DCUN1D4: variants seen among roughly 807,000 people sequenced by gnomAD.
DCUN1D4 encodes the protein defective in cullin neddylation 1 domain containing 4, also known as DCN1-like protein 4.
In DCUN1D4, 22 loss-of-function variants were observed where a neutral mutation model predicts 47.9. The ratio of observed to expected loss-of-function variants is 0.46; its 90% CI spans 0.33 to 0.66. DCUN1D4 has a LOEUF of 0.66. Ranked by LOEUF, DCUN1D4 falls within the 30% of genes least tolerant of loss-of-function variation. DCUN1D4 has a pLI of 0.02. For missense variants in DCUN1D4, 301 were observed against 340.8 expected (o/e 0.88, Z 0.92); for synonymous variants, 121 against 112.2 (o/e 1.08, Z -0.50).
chr4:51,870,709 A>AAATCCTAGT (rs1442369837), intron 3 of DCUN1D4, among the ~76,000 whole-genome samples: 1 of 152,224 alleles, frequency 6.6e-6, no homozygotes, highest in Non-Finnish European at 1.5e-5. Context: ...TGCACTTGAG[A>AAATCCTAGT]AATCCTAGTT....
chr4:51,891,700 GTTTTTTC>G (rs1268579169), intron 6 of DCUN1D4, 53 bp from the exon 7 acceptor site: 1 of 1,339,208 alleles, frequency 7.5e-7, no homozygotes, highest in Non-Finnish European at 1.0e-6. Context: ...AGATCTATTT[GTTTTTTC>G]TTTTTAATTT....
intron 7 of DCUN1D4, among the ~76,000 whole-genome samples, chr4:51,895,943 C>G (rs942795809): frequency 2.6e-5 from 4 of 152,100 alleles, no homozygotes; most frequent in Non-Finnish European, 5.9e-5. Context: ...TTACATGTCC[C>G]AAGCCAGGCT....
intron 8 of DCUN1D4, among the ~76,000 whole-genome samples, chr4:51,907,313 C>T (rs1000760491): frequency 6.6e-6 from 1 of 152,202 alleles, no homozygotes; most frequent in Non-Finnish European, 1.5e-5. Flanking sequence ...TCTAAGAGCA[C>T]AATTAAACTC....
intron 5 of DCUN1D4, among the ~76,000 whole-genome samples, chr4:51,881,301 A>G (rs1185577445): frequency 6.6e-6 from 1 of 152,246 alleles, no homozygotes; most frequent in Non-Finnish European, 1.5e-5. Context: ...TCCTGACTGT[A>G]GGCCCTTAGT....
At chr4:51,890,920 T>TCTGAAACCATG (rs1344607500) in intron 6 of DCUN1D4, among the ~76,000 whole-genome samples, 1 of 152,268 alleles carries the variant, frequency 6.6e-6, no homozygotes, top group Non-Finnish European at 1.5e-5. Context: ...TGTCACTGTT[T>TCTGAAACCATG]CTGAAACCTG....
At chr4:51,879,370 G>T (rs189835308) in intron 5 of DCUN1D4, among the ~76,000 whole-genome samples, 44 of 152,306 alleles carry the variant, frequency 2.9e-4, no homozygotes, top group Non-Finnish European at 2.9e-4. Flanking sequence ...ACTTTGGGAG[G>T]CCAGGGCAGG....
intron 8 of DCUN1D4, among the ~76,000 whole-genome samples, chr4:51,900,908 C>A (rs1732001255): frequency 6.6e-6 from 1 of 152,102 alleles, no homozygotes; most frequent in Non-Finnish European, 1.5e-5. Context: ...TCCCAGATAT[C>A]CAATGTGCTT....
rs759000340 is a variant in DCUN1D4, at chr4:51,886,602, G to A, written c.378G>A (p.Glu126=). The A allele has an allele frequency of 2.2e-5, 36 of 1,613,924 alleles. No homozygotes were observed. Among genetic ancestry groups the A allele is most frequent in the Non-Finnish European group, 3.1e-5 (36 of 1,179,968 alleles). The part of the protein sequence containing the change: ...TDDVVGPEGM[E]KFCEDIGVEP... ...ATGTTGTAGGCCCTGAAGGCATGGA[G>A]AAATTTTGTGAAGACATTGGTGTTG... Residue 126 remains glutamate (E), a synonymous_variant, in exon 6 of 11, where the codon GAG becomes GAA. Transcript: ENST00000334635.
intron 6 of DCUN1D4, among the ~76,000 whole-genome samples, chr4:51,891,194 T>G (rs1010174176): frequency 6.6e-6 from 1 of 152,274 alleles, no homozygotes; most frequent in Non-Finnish European, 1.5e-5. Flanking sequence ...ACCTTGCTGT[T>G]TCACTTAATA....
intron 4 of DCUN1D4, among the ~76,000 whole-genome samples, chr4:51,876,137 G>C (rs948373088): frequency 2.0e-5 from 3 of 152,048 alleles, no homozygotes; most frequent in African/African-American, 7.2e-5. Flanking sequence ...TCTAGGTCAT[G>C]AATCAATGTT....
At chr4:51,877,896 A>C (rs1727940046) in intron 5 of DCUN1D4, 42 bp downstream of exon 5, 1 of 1,290,586 alleles carries the variant, frequency 7.7e-7, no homozygotes, top group Admixed American at 2.0e-5. Context: ...TCCTTATGAC[A>C]ATAAGGAGTA....
At chr4:51,878,291 A>C (rs1460930877) in intron 5 of DCUN1D4, among the ~76,000 whole-genome samples, 1 of 152,194 alleles carries the variant, frequency 6.6e-6, no homozygotes. Context: ...AAAATGTTTT[A>C]AATTTAGTCT....
In DCUN1D4 at chr4:51,913,435, A is replaced by G. The variant is rs528620753; in HGVS notation, c.823+43A>G. On this transcript the variant is annotated intron_variant, in intron 10 of 10. Transcript: ENST00000334635. The stretch of plus-strand genomic sequence containing the variant: ...CATTCTGCCATTCGTGTACATTTCT[A>G]TATCATCCTCATTGGGAAAAGCCTC... The G allele has an allele frequency of 5.9e-5, 93 of 1,577,706 alleles. No individual in the cohort carries two copies. The East Asian group carries it at 1.8e-3, about 30-fold the overall frequency.
Position 51,913,858 on chromosome 4 carries a change from G to A in DCUN1D4, c.*274G>A, listed in dbSNP as rs1016418146. ...ATGTGTATATTGCTGTTTAAATTTT[G>A]TATATGTGTATAAAAGGAAAAAGGT... On this transcript the variant is annotated 3_prime_UTR_variant, in exon 11 of 11. Transcript: ENST00000334635. The A allele has an allele frequency of 8.7e-6, 3 of 346,052 alleles. No individual in the cohort carries two copies. Among genetic ancestry groups the A allele is most frequent in the African/African-American group, 2.1e-5 (1 of 47,282 alleles). 21.4% of individuals were successfully genotyped at this position (346,052 alleles called of 1,614,324 possible).
At chr4:51,868,707 C>T (rs987647416) in intron 3 of DCUN1D4, among the ~76,000 whole-genome samples, 5 of 152,198 alleles carry the variant, frequency 3.3e-5, no homozygotes, top group African/African-American at 1.2e-4. Context: ...TCTTCCTGCT[C>T]TGCCTCCTCT....
At chr4:51,847,545 C>G (rs1390389326) in intron 1 of DCUN1D4, among the ~76,000 whole-genome samples, 1 of 152,158 alleles carries the variant, frequency 6.6e-6, no homozygotes, top group Non-Finnish European at 1.5e-5. Flanking sequence ...CTTTCCCATA[C>G]CTATTGCCAT....
chr4:51,906,381 C>G lies in DCUN1D4; in HGVS notation c.616-4689C>G, dbSNP rs1216316878. ...TTCACTAAGGAAAATTTTGCTAGGT[C>G]TTGTGTTCAACAACCCGTGTTATCA... On this transcript the variant is annotated intron_variant, in intron 8 of 10. Transcript: ENST00000334635. Among the ~76,000 whole-genome samples, 3 of 152,228 alleles carry G rather than the reference C, an allele frequency of 2.0e-5. No homozygotes were observed. In the East Asian group the frequency reaches 5.8e-4, roughly 29 times the overall value.
chr4:51,843,299 G>A, intron 1 of DCUN1D4, 32 bp downstream of exon 1: 1 of 1,509,690 alleles, frequency 6.6e-7, no homozygotes, highest in Non-Finnish European at 8.9e-7. Context: ...AGCGGGCCGG[G>A]GCCGGGCGGC....
intron 5 of DCUN1D4, among the ~76,000 whole-genome samples, chr4:51,880,344 G>C (rs1177665312): frequency 6.6e-6 from 1 of 152,194 alleles, no homozygotes; most frequent in Non-Finnish European, 1.5e-5. Flanking sequence ...ATTTTCCGTA[G>C]AAGAGAGCAG....
Sources: allele counts gnomAD v4.1 joint callset (sites outside exome capture counted in the v4.1 genomes callset), GRCh38; gene constraint gnomAD v4.1.1; transcripts MANE v1.5; gene names NCBI Gene and HGNC (gene_info 2026-07-23, HGNC 2026-07-21).